The following NBEAL1 variants were observed in gnomAD, a reference collection of about 807,000 sequenced individuals.
NBEAL1 encodes neurobeachin-like protein 1.
A neutral mutation model predicts 351.3 loss-of-function variants in NBEAL1; 273 were observed. That is an observed-to-expected ratio of 0.78 (90% CI 0.70 to 0.86). The LOEUF (loss-of-function observed/expected upper bound fraction) is 0.86, where lower values mean the gene tolerates loss of function less well. NBEAL1 is among the 40% of genes least tolerant of loss of function. NBEAL1 has a pLI of 0.00. For synonymous variants in NBEAL1, 1,050 were observed against 1,086.4 expected, an observed-to-expected ratio of 0.97 and a Z score of 0.66; for missense variants, 2,961 against 3,201.3, an observed-to-expected ratio of 0.92 and a Z score of 1.81.
intron 55 of NBEAL1, 133 bp from the exon 56 acceptor site, chr2:203,217,120 G>T: frequency 1.7e-6 from 1 of 587,620 alleles, no homozygotes. Context: ...CTCTATTATT[G>T]ATAACCTTTA....
intron 51 of NBEAL1, among the ~76,000 whole-genome samples, chr2:203,205,006 C>T: frequency 6.6e-6 from 1 of 151,976 alleles, no homozygotes; most frequent in South Asian, 2.1e-4. Flanking sequence ...ATTTCATTTT[C>T]TTATATTATT....
Position 203,125,496 on chromosome 2 carries a change from G to T in NBEAL1, c.2827G>T (p.Val943Leu). 2.0e-6 allele frequency: 3 copies of T among 1,517,636 alleles called. No individual in the cohort carries two copies. Among genetic ancestry groups the T allele is most frequent in the Non-Finnish European group, 2.6e-6 (3 of 1,133,710 alleles). 94.0% of individuals were successfully genotyped at this position (1,517,636 alleles called of 1,614,324 possible). The change falls in exon 20 of 56, where the codon GTA becomes TTA. Residue 943 changes from valine to leucine, a missense_variant. Val to Leu is a conservative substitution (Grantham distance 32). Transcript: ENST00000683969. ...AACACCTGTTGAAGGAGATTGGCTC[G>T]TATGGACTTCCACAAAGGCCTCAGG... ...SVTPVEGDWLVWTSTKASESR... is the reference protein window; with the variant it reads ...SVTPVEGDWLLWTSTKASESR...
At position 203,050,379 on chromosome 2, in the gene NBEAL1, G is replaced by A. The variant is rs544649938; in HGVS notation, c.305+404G>A. ...AGAGTAAGTGCACTTTTTGGAATAG[G>A]CTTGTGGTTTGTTAGTATGTTGGAA... is the stretch of plus-strand genomic sequence containing the variant. On this transcript the variant is annotated intron_variant, in intron 4 of 55. Transcript: ENST00000683969. Among the ~76,000 whole-genome samples, 4 of 152,118 alleles carry A rather than the reference G, an allele frequency of 2.6e-5. No individual in the cohort carries two copies. In the South Asian group the frequency reaches 8.3e-4, roughly 31 times the overall value.
intron 9 of NBEAL1, among the ~76,000 whole-genome samples, chr2:203,084,005 T>TGC (rs2061920391): frequency 6.6e-6 from 1 of 151,660 alleles, no homozygotes; most frequent in African/African-American, 2.4e-5. Flanking sequence ...TGTGTGTGTG[T>TGC]GTGTGTGTGT....
chr2:203,087,704 G>A (rs566178322), intron 10 of NBEAL1, among the ~76,000 whole-genome samples: 3 of 152,054 alleles, frequency 2.0e-5, no homozygotes, highest in Admixed American at 1.3e-4. Flanking sequence ...AGATTACTAC[G>A]TAATATTTTC....
In NBEAL1 at chr2:203,172,854, G is replaced by A. The variant is rs2064368173; in HGVS notation, c.6323+1G>A. On this transcript the variant is annotated splice_donor_variant, in intron 41 of 55. Transcript: ENST00000683969. LOFTEE classifies it high-confidence loss of function. Reference sequence around the variant, plus strand: ...AAAACGCCAAAGCTATGAGAGAAAAGTAAGTGCTTCTTATTCCTTTTATAA... The same window carrying A: ...AAAACGCCAAAGCTATGAGAGAAAAATAAGTGCTTCTTATTCCTTTTATAA... 4 of 1,599,278 alleles carry A rather than the reference G, an allele frequency of 2.5e-6. No individual in the cohort carries two copies. The highest frequency in any genetic ancestry group is 1.7e-5 in the Admixed American group (1 of 58,128).
At chr2:203,033,622 A>C (rs1179626530) in intron 2 of NBEAL1, among the ~76,000 whole-genome samples, 1 of 152,240 alleles carries the variant, frequency 6.6e-6, no homozygotes, top group African/African-American at 2.4e-5. Flanking sequence ...TACCAGATCT[A>C]GGAAATGATG....
chr2:203,145,797 C>CAAAAA (rs56382460), intron 33 of NBEAL1, among the ~76,000 whole-genome samples: 9 of 86,100 alleles, frequency 1.0e-4, no homozygotes, highest in Admixed American at 1.3e-4. Flanking sequence ...GACTCCATCT[C>CAAAAA]AAAAAAAAAA....
At position 203,188,501 on chromosome 2, in the gene NBEAL1, T is replaced by C. The variant is rs1244018063; in HGVS notation, c.6735T>C (p.His2245=). 6.3e-7 allele frequency: 1 copy of C among 1,591,160 alleles called. No individual in the cohort carries two copies. ...LESEYVSAHL[H]EWIDLIFGYK... is the part of the protein sequence containing the mutation. Reference sequence around the variant, plus strand: ...CTGAATATGTTTCAGCTCATCTTCATGAATGGATAGATCTGATCTTTGGCT... The same window carrying C: ...CTGAATATGTTTCAGCTCATCTTCACGAATGGATAGATCTGATCTTTGGCT... Residue 2245 remains histidine (H), a synonymous_variant, in exon 45 of 56, where the codon CAT becomes CAC. Coordinates refer to ENST00000683969, the MANE Select transcript of NBEAL1 (RefSeq NM_001378026.1).
intron 18 of NBEAL1, among the ~76,000 whole-genome samples, chr2:203,116,874 G>A (rs1301904989): frequency 6.6e-6 from 1 of 151,908 alleles, no homozygotes; most frequent in Non-Finnish European, 1.5e-5. Flanking sequence ...GGCTGAGGTG[G>A]GCGGATCACC....
At chr2:203,202,844 A>C in intron 51 of NBEAL1, 63 bp downstream of exon 51, 1 of 887,940 alleles carries the variant, frequency 1.1e-6, no homozygotes, top group Non-Finnish European at 1.9e-6. Context: ...TACTAGCAAA[A>C]TGTTCTACTA....
chr2:203,115,417 C>T (rs559757018), intron 17 of NBEAL1, among the ~76,000 whole-genome samples: 5 of 151,832 alleles, frequency 3.3e-5, no homozygotes, highest in South Asian at 2.1e-4. Context: ...AGCCACCATG[C>T]GTGACCAGAT....
chr2:203,194,350 TAAA>T (rs1362459662), intron 47 of NBEAL1, among the ~76,000 whole-genome samples: 1 of 152,138 alleles, frequency 6.6e-6, no homozygotes, highest in African/African-American at 2.4e-5. Context: ...AGAGTTTAAA[TAAA>T]AAATTCAAAT....
rs922044602 is a variant in NBEAL1, at chr2:203,224,894, T to C, written c.*7540T>C. Among the ~76,000 whole-genome samples, 1 of 152,178 alleles carries C rather than the reference T, an allele frequency of 6.6e-6. No homozygotes were observed. Among genetic ancestry groups the C allele is most frequent in the African/African-American group, 2.4e-5 (1 of 41,436 alleles). Reference sequence around the variant, plus strand: ...TCATTGTAGTTAAGTTACTGTTAGTTTGGTGCAATACATTCTTTCCTTCCT... The same window carrying C: ...TCATTGTAGTTAAGTTACTGTTAGTCTGGTGCAATACATTCTTTCCTTCCT... On this transcript the variant is annotated 3_prime_UTR_variant, in exon 56 of 56. Coordinates refer to ENST00000683969, the MANE Select transcript of NBEAL1 (RefSeq NM_001378026.1).
chr2:203,078,626 C>A (rs1184039094), intron 8 of NBEAL1, among the ~76,000 whole-genome samples: 4 of 152,142 alleles, frequency 2.6e-5, no homozygotes, highest in African/African-American at 9.7e-5. Flanking sequence ...GGGCGTGAGT[C>A]CCCCATGCCC....
chr2:203,044,500 A>G (rs2061195624), intron 3 of NBEAL1, among the ~76,000 whole-genome samples: 1 of 152,178 alleles, frequency 6.6e-6, no homozygotes, highest in Admixed American at 6.6e-5. Flanking sequence ...ATACATTACC[A>G]GTGTCTCTTT....
intron 2 of NBEAL1, among the ~76,000 whole-genome samples, chr2:203,032,520 C>T (rs946452090): frequency 6.6e-6 from 1 of 151,412 alleles, no homozygotes; most frequent in Non-Finnish European, 1.5e-5. Flanking sequence ...ATTAGCCGGG[C>T]GTGGTGTCGG....
intron 27 of NBEAL1, 111 bp downstream of exon 27, chr2:203,133,257 C>T (rs753270170): frequency 1.6e-4 from 72 of 452,742 alleles, no homozygotes; most frequent in Non-Finnish European, 2.5e-4. Context: ...TTATAAATGA[C>T]GTAATTTTAT....
At chr2:203,172,700 G>A (rs2064361254) in intron 40 of NBEAL1, 29 bp from the exon 41 acceptor site, 2 of 1,591,208 alleles carry the variant, frequency 1.3e-6, no homozygotes, top group Non-Finnish European at 1.7e-6. Flanking sequence ...AGGAAGGAAT[G>A]TCTAAATTGT....
Sources: gnomAD v4.1 joint callset for allele counts (sites outside exome capture counted in the v4.1 genomes callset) on GRCh38, gnomAD v4.1.1 for gene constraint, MANE v1.5 for transcripts, NCBI Gene and HGNC (gene_info 2026-07-23, HGNC 2026-07-21) for gene names.